The following CFAP100 variants were observed in gnomAD, a reference collection of about 807,000 sequenced individuals.
CFAP100 encodes cilia- and flagella-associated protein 100.
A neutral mutation model predicts 81.5 loss-of-function variants in CFAP100; 70 were observed. The ratio of observed to expected loss-of-function variants is 0.86; its 90% confidence interval spans 0.71 to 1.05. The LOEUF (loss-of-function observed/expected upper bound fraction) is 1.05. Among genes scored for constraint, CFAP100 ranks in the 50% least tolerant of loss-of-function variants. The probability of loss-of-function intolerance (pLI) is 0.00; values close to 1 mark genes in which losing one functional copy is unlikely to be tolerated. For synonymous variants in CFAP100, 341 were observed against 314.8 expected (o/e 1.08, Z -0.88); for missense variants, 811 against 776.5 (o/e 1.04, Z -0.53).
At chr3:126,425,514 C>G (rs1399210223) in intron 13 of CFAP100, among the ~76,000 whole-genome samples, 2 of 152,176 alleles carry the variant, frequency 1.3e-5, no homozygotes, top group African/African-American at 2.4e-5. Context: ...TACCAATTCT[C>G]TACAATCACT....
rs554156545 is a variant in CFAP100, at chr3:126,406,904, A to G, written c.50-268A>G. Among the ~76,000 whole-genome samples, 8 of 152,326 alleles carry G rather than the reference A, an allele frequency of 5.3e-5. No individual in the cohort carries two copies. In the South Asian group the frequency reaches 1.7e-3, roughly 32 times the overall value. On this transcript the variant is annotated intron_variant, in intron 2 of 16. Transcript: ENST00000352312. ...CCTTGCACTGCTACTCTTAAGGAACACACTGAAGGATGGGAAAGGGGAGGC... is the reference window on the plus strand; with the variant it reads ...CCTTGCACTGCTACTCTTAAGGAACGCACTGAAGGATGGGAAAGGGGAGGC...
At chr3:126,410,075 C>A (rs559257464) in intron 3 of CFAP100, among the ~76,000 whole-genome samples, 1 of 152,264 alleles carries the variant, frequency 6.6e-6, no homozygotes, top group East Asian at 1.9e-4. Context: ...GTGTTGGGAG[C>A]CTGTAGTCCC....
intron 2 of CFAP100, among the ~76,000 whole-genome samples, chr3:126,401,511 A>C (rs111763888): frequency 6.7e-6 from 1 of 150,108 alleles, no homozygotes; most frequent in African/African-American, 2.5e-5. Flanking sequence ...AAACAACTAA[A>C]TAGACAGGAT....
chr3:126,429,132 A>G (rs1027305876), intron 13 of CFAP100, among the ~76,000 whole-genome samples: 3 of 139,020 alleles, frequency 2.2e-5, no homozygotes, highest in Admixed American at 7.3e-5. Flanking sequence ...AAAAAAAAAA[A>G]AAGAAAGGAT....
intron 15 of CFAP100, among the ~76,000 whole-genome samples, 173 bp from the exon 16 acceptor site, chr3:126,435,386 G>A (rs1933405248): frequency 6.6e-6 from 1 of 152,220 alleles, no homozygotes; most frequent in Admixed American, 6.5e-5. Flanking sequence ...TTGGCCAAAA[G>A]CAGCGGTGCT....
At chr3:126,435,272 G>A (rs1933401075) in intron 15 of CFAP100, among the ~76,000 whole-genome samples, 1 of 151,824 alleles carries the variant, frequency 6.6e-6, no homozygotes, top group African/African-American at 2.4e-5. Context: ...GTGCCTCTGG[G>A]AGGGGTCTGC....
chr3:126,407,291 G>C (rs747883502), intron 3 of CFAP100, 39 bp downstream of exon 3: 1 of 1,404,732 alleles, frequency 7.1e-7, no homozygotes, highest in Non-Finnish European at 1.0e-6. Flanking sequence ...CAAGTTGGCA[G>C]GAGGCAACTC....
At chr3:126,432,275 T>G (rs776419347) in intron 13 of CFAP100, among the ~76,000 whole-genome samples, 1 of 85,616 alleles carries the variant, frequency 1.2e-5, no homozygotes, top group African/African-American at 4.6e-5. Flanking sequence ...TGAGCAAGAC[T>G]CCGTCTCAAA....
In CFAP100 at chr3:126,434,193, C is replaced by A. The variant is rs1219039852; in HGVS notation, c.1440C>A (p.Ser480Arg). ...CTCCACAGGATAAGCTGCTAGAGAGCCTGAACTGCAAGGTGCTGGATGTGT... is the reference window on the plus strand; with the variant it reads ...CTCCACAGGATAAGCTGCTAGAGAGACTGAACTGCAAGGTGCTGGATGTGT... Reference protein sequence around the residue: ...KGDQQDKLLESLNCKVLDVYR... With the variant: ...KGDQQDKLLERLNCKVLDVYR... Residue 480 changes from serine to arginine, a missense_variant, in exon 15 of 17, where the codon AGC becomes AGA. Coordinates refer to ENST00000352312, the MANE Select transcript of CFAP100 (RefSeq NM_182628.3). 3 of 1,612,240 alleles carry A rather than the reference C, an allele frequency of 1.9e-6. No individual in the cohort carries two copies. The highest frequency in any genetic ancestry group is 2.5e-6 in the Non-Finnish European group (3 of 1,178,900).
chr3:126,403,150 C>T (rs541709228), intron 2 of CFAP100, among the ~76,000 whole-genome samples: 21 of 152,068 alleles, frequency 1.4e-4, no homozygotes, highest in Admixed American at 5.2e-4. Context: ...AACTCCCAGC[C>T]GAGACTCTGA....
intron 2 of CFAP100, among the ~76,000 whole-genome samples, chr3:126,400,258 A>G (rs143031582): frequency 7.9e-5 from 12 of 152,320 alleles, no homozygotes; most frequent in African/African-American, 2.6e-4. Flanking sequence ...AATGATCTAC[A>G]AGCAGGAGAA....
chr3:126,433,650 T>A, intron 14 of CFAP100: 1 of 197,034 alleles, frequency 5.1e-6, no homozygotes, highest in South Asian at 1.0e-4. Flanking sequence ...GATGGCTTCC[T>A]ACTGTCAAGT....
At chr3:126,417,365 G>T (rs78139175) in intron 5 of CFAP100, among the ~76,000 whole-genome samples, 1 of 152,232 alleles carries the variant, frequency 6.6e-6, no homozygotes, top group East Asian at 1.9e-4. Context: ...CAACCCAGAT[G>T]ATGAAGTATA....
At chr3:126,406,189 G>A (rs567901468) in intron 2 of CFAP100, among the ~76,000 whole-genome samples, 266 of 152,148 alleles carry the variant, frequency 1.7e-3, no homozygotes, top group African/African-American at 5.7e-3. Context: ...GTGTGGCCCC[G>A]AAGGCCTCTG....
chr3:126,418,573 C>T (rs552668680), intron 6 of CFAP100, 38 bp from the exon 7 acceptor site: 27 of 1,613,136 alleles, frequency 1.7e-5, no homozygotes, highest in South Asian at 1.4e-4. Context: ...GTGGCTGGCC[C>T]GGGCCAGGCA....
intron 16 of CFAP100, 51 bp downstream of exon 16, chr3:126,435,703 C>G: frequency 6.8e-7 from 1 of 1,461,124 alleles, no homozygotes. Context: ...CCCAAGACAG[C>G]ATGGCAGCTG....
chr3:126,419,787 G>A lies in CFAP100; in HGVS notation c.882G>A (p.Glu294=). 2 of 1,613,982 alleles carry A rather than the reference G, an allele frequency of 1.2e-6. No individual in the cohort carries two copies. The highest frequency in any genetic ancestry group is 8.5e-7 in the Non-Finnish European group (1 of 1,180,054). ...KAKEVSEASK[E]SSVNSTPGDK... is the part of the protein sequence containing the mutation. The stretch of plus-strand genomic sequence containing the variant: ...AGGAGGTCTCCGAGGCTTCCAAAGA[G>A]AGCAGTGTTAACTCCACACCAGGGG... The change falls in exon 9 of 17, where the codon GAG becomes GAA. Residue 294 remains glutamate, a synonymous_variant. Transcript: ENST00000352312.
intron 3 of CFAP100, among the ~76,000 whole-genome samples, chr3:126,408,914 G>A (rs549889254): frequency 9.9e-5 from 15 of 152,210 alleles, no homozygotes; most frequent in South Asian, 4.2e-4. Flanking sequence ...TCAGCCTGCC[G>A]GGTAGCTGGG....
At chr3:126,416,059 C>T (rs1031595390) in intron 4 of CFAP100, among the ~76,000 whole-genome samples, 1 of 152,088 alleles carries the variant, frequency 6.6e-6, no homozygotes, top group Non-Finnish European at 1.5e-5. Context: ...TAAGCGTGCC[C>T]CCTCTGTGGG....
Sources: gnomAD v4.1 joint callset for allele counts (sites outside exome capture counted in the v4.1 genomes callset) on GRCh38, gnomAD v4.1.1 for gene constraint, MANE v1.5 for transcripts, NCBI Gene and HGNC (gene_info 2026-07-23, HGNC 2026-07-21) for gene names.